Variants in SLC27A2 observed in about 807,000 individuals in gnomAD.
SLC27A2 encodes long-chain fatty acid transport protein 2.
SLC27A2 carries 54 observed loss-of-function variants against 60.0 expected under a neutral mutation model. The observed-to-expected ratio is 0.90, with a 90% CI of 0.72 to 1.13. SLC27A2 has a LOEUF of 1.13. Ranked by LOEUF, SLC27A2 falls within the 50% of genes most tolerant of loss-of-function variation. The pLI is 0.00. For missense variants in SLC27A2, 739 were observed against 777.6 expected, an observed-to-expected ratio of 0.95 and a Z score of 0.59; for synonymous variants, 297 against 297.6, an observed-to-expected ratio of 1.00 and a Z score of 0.02.
intron 8 of SLC27A2, 117 bp downstream of exon 8, chr15:50,229,159 C>A: frequency 1.5e-6 from 1 of 672,122 alleles, no homozygotes; most frequent in Non-Finnish European, 2.6e-6. Flanking sequence ...GTTCTTTCAG[C>A]TGCCAGGGAG....
Position 50,195,311 on chromosome 15 carries a change from GA to G in SLC27A2, c.479-2173del, listed in dbSNP as rs745744454. On this transcript the variant is annotated intron_variant, in intron 1 of 9. Transcript: ENST00000267842. ...GAAACCCCGTCTCTACTAAAAATATGAAAAAAAAAAAAAAAACAAAAACAAA... is the reference window on the plus strand; with the variant it reads ...GAAACCCCGTCTCTACTAAAAATATGAAAAAAAAAAAAAAACAAAAACAAA... Among the ~76,000 whole-genome samples the G allele has an allele frequency of 9.3e-3, 1,030 of 110,982 alleles. 16 individuals are homozygous for G. Among genetic ancestry groups the G allele is most frequent in the African/African-American group, 0.025 (779 of 30,822 alleles). 72.8% of individuals were successfully genotyped at this position (110,982 alleles called of 152,430 possible).
chr15:50,233,919 A>C lies in SLC27A2; in HGVS notation c.1607A>C (p.Glu536Ala), dbSNP rs193138554. 1.2e-5 allele frequency: 20 copies of C among 1,613,912 alleles called. No homozygotes were observed. Among genetic ancestry groups the C allele is most frequent in the Middle Eastern group, 3.3e-4 (2 of 6,062 alleles). The change falls in exon 9 of 10, where the codon GAA becomes GCA. Residue 536 changes from glutamate to alanine, a missense_variant. By Grantham distance (107) the Glu-to-Ala change is moderately radical. Coordinates refer to ENST00000267842, the MANE Select transcript of SLC27A2 (RefSeq NM_003645.4). ...TCCATCAAAATGAAAGAAAACCATG[A>C]ATTTGATGGAAAGAAACTCTTTCAG... Reference protein sequence around the residue: ...MASIKMKENHEFDGKKLFQHI... With the variant: ...MASIKMKENHAFDGKKLFQHI...
At chr15:50,219,696 A>G (rs2045229588) in intron 4 of SLC27A2, among the ~76,000 whole-genome samples, 2 of 152,146 alleles carry the variant, frequency 1.3e-5, no homozygotes, top group African/African-American at 4.8e-5. Context: ...CACCTTTCAT[A>G]GGGTTCTTTA....
intron 1 of SLC27A2, among the ~76,000 whole-genome samples, chr15:50,186,702 G>A (rs1376541714): frequency 6.6e-6 from 1 of 152,192 alleles, no homozygotes; most frequent in East Asian, 1.9e-4. Flanking sequence ...CTCCCAAAGT[G>A]CTGGGATTAG....
chr15:50,207,005 G>T (rs1488599667), intron 4 of SLC27A2, among the ~76,000 whole-genome samples: 1 of 151,786 alleles, frequency 6.6e-6, no homozygotes, highest in Non-Finnish European at 1.5e-5. Context: ...AATATTCCAC[G>T]TGGCCTCCAA....
intron 2 of SLC27A2, among the ~76,000 whole-genome samples, chr15:50,201,022 C>T (rs576980235): frequency 3.9e-5 from 6 of 152,206 alleles, no homozygotes; most frequent in Non-Finnish European, 7.3e-5. Flanking sequence ...GACAGAAACT[C>T]ATTCTGTTGC....
intron 2 of SLC27A2, 46 bp downstream of exon 2, chr15:50,197,755 T>C: frequency 7.1e-7 from 1 of 1,399,174 alleles, no homozygotes; most frequent in Non-Finnish European, 1.0e-6. Flanking sequence ...TCTGAAGGAG[T>C]TAAATGTTGA....
At chr15:50,188,871 A>C (rs1462327066) in intron 1 of SLC27A2, among the ~76,000 whole-genome samples, 3 of 152,148 alleles carry the variant, frequency 2.0e-5, no homozygotes, top group African/African-American at 4.8e-5. Context: ...GAGGCACAAG[A>C]ATCACTTGAA....
chr15:50,215,639 A>T (rs1426454643), intron 4 of SLC27A2, among the ~76,000 whole-genome samples: 1 of 152,226 alleles, frequency 6.6e-6, no homozygotes, highest in Non-Finnish European at 1.5e-5. Context: ...GCCACAGAAT[A>T]GAGAACCCAG....
At chr15:50,184,162 T>G (rs2044899993) in intron 1 of SLC27A2, among the ~76,000 whole-genome samples, 1 of 151,844 alleles carries the variant, frequency 6.6e-6, no homozygotes, top group African/African-American at 2.4e-5. Context: ...AGCTAATTTT[T>G]TGTTATTTTT....
In SLC27A2 at chr15:50,202,292, AC is replaced by A. The variant is rs2045070750; in HGVS notation, c.689-192del. 2.0e-5 allele frequency among the ~76,000 whole-genome samples: 3 copies of A among 152,210 alleles called. No homozygotes were observed. In the South Asian group the frequency reaches 6.2e-4, roughly 32 times the overall value. ...CAGTTGTTGCAACAGAGATTGTATG[AC>A]CCACAATCCCAAAACATTTACTCCC... On this transcript the variant is annotated intron_variant, in intron 2 of 9. Transcript: ENST00000267842.
intron 4 of SLC27A2, among the ~76,000 whole-genome samples, chr15:50,219,526 A>G (rs2045228578): frequency 6.6e-6 from 1 of 151,978 alleles, no homozygotes; most frequent in South Asian, 2.1e-4. Flanking sequence ...AGGGCTTTAA[A>G]AAAAAAATAA....
chr15:50,195,406 C>G (rs1223361514), intron 1 of SLC27A2, among the ~76,000 whole-genome samples: 1 of 151,502 alleles, frequency 6.6e-6, no homozygotes, highest in Non-Finnish European at 1.5e-5. Context: ...CAGGAGAATG[C>G]TGTGAACCCG....
intron 3 of SLC27A2, among the ~76,000 whole-genome samples, chr15:50,203,019 A>AAG (rs1567430518): frequency 1.4e-5 from 2 of 146,090 alleles, no homozygotes; most frequent in South Asian, 2.2e-4. Context: ...TCTCTAAAAA[A>AAG]AATATATATA....
intron 7 of SLC27A2, 70 bp downstream of exon 7, chr15:50,227,248 C>CG: frequency 7.6e-6 from 9 of 1,189,414 alleles, no homozygotes; most frequent in Non-Finnish European, 1.1e-5. Flanking sequence ...AGTGGAATCG[C>CG]ATTCCACTTT....
At chr15:50,207,660 C>T (rs539086575) in intron 4 of SLC27A2, among the ~76,000 whole-genome samples, 5 of 151,690 alleles carry the variant, frequency 3.3e-5, no homozygotes, top group South Asian at 4.2e-4. Flanking sequence ...CTTGTTGGCA[C>T]GTGCCTGTAA....
At chr15:50,216,935 C>G (rs1385175735) in intron 4 of SLC27A2, among the ~76,000 whole-genome samples, 1 of 138,264 alleles carries the variant, frequency 7.2e-6, no homozygotes, top group African/African-American at 2.8e-5. Flanking sequence ...AATAAATTAA[C>G]AGCATTTGCA....
chr15:50,219,439 C>CT (rs897609557), intron 4 of SLC27A2, among the ~76,000 whole-genome samples: 14 of 150,112 alleles, frequency 9.3e-5, no homozygotes, highest in Non-Finnish European at 1.8e-4. Flanking sequence ...TTCCTTTTTT[C>CT]TTTTTTTTGT....
At chr15:50,216,901 AT>A (rs1235367252) in intron 4 of SLC27A2, among the ~76,000 whole-genome samples, 1 of 147,482 alleles carries the variant, frequency 6.8e-6, no homozygotes, top group Non-Finnish European at 1.5e-5. Flanking sequence ...ATTCCAAAAA[AT>A]ATATATATAT....
Sources: gnomAD v4.1 joint callset for allele counts (sites outside exome capture counted in the v4.1 genomes callset) on GRCh38, gnomAD v4.1.1 for gene constraint, MANE v1.5 for transcripts, NCBI Gene and HGNC (gene_info 2026-07-23, HGNC 2026-07-21) for gene names.